Variants in KCNAB1 observed in about 807,000 individuals in gnomAD.
The protein encoded by KCNAB1 is voltage-gated potassium channel subunit beta-1.
Under a neutral mutation model 64.6 loss-of-function variants are expected in KCNAB1, and 35 were observed. That is an observed-to-expected ratio of 0.54 (90% confidence interval 0.41 to 0.72). The LOEUF is 0.72. KCNAB1 is among the 30% of genes least tolerant of loss of function. The probability of loss-of-function intolerance (pLI) is 0.00; values close to 1 mark genes in which losing one functional copy is unlikely to be tolerated. For missense variants in KCNAB1, 401 were observed against 512.9 expected (o/e 0.78, Z 2.11); for synonymous variants, 177 against 183.8 (o/e 0.96, Z 0.30).
intron 1 of KCNAB1, chr3:156,273,719 CT>C: frequency 8.9e-6 from 4 of 450,276 alleles, no homozygotes; most frequent in Non-Finnish European, 1.8e-5. Context: ...TAGGAAGGTG[CT>C]TTTTTTGTGT....
At chr3:156,180,631 A>G (rs958502402) in intron 1 of KCNAB1, among the ~76,000 whole-genome samples, 11 of 152,202 alleles carry the variant, frequency 7.2e-5, no homozygotes, top group African/African-American at 2.4e-4. Flanking sequence ...ATACAATCCA[A>G]TAACTGCTTT....
At chr3:156,277,341 T>A (rs894358752) in intron 1 of KCNAB1, among the ~76,000 whole-genome samples, 2 of 152,130 alleles carry the variant, frequency 1.3e-5, no homozygotes, top group Non-Finnish European at 2.9e-5. Flanking sequence ...ATTACCAAAA[T>A]ATGACACAGA....
chr3:156,463,856 GTTTT>G (rs200722110), intron 6 of KCNAB1, 110 bp downstream of exon 6: 5 of 720,026 alleles, frequency 6.9e-6, no homozygotes, highest in Non-Finnish European at 8.8e-6. Context: ...TAGAGAGAGG[GTTTT>G]TTGTTTTTTT....
chr3:156,178,996 G>A (rs1431641218), intron 1 of KCNAB1, among the ~76,000 whole-genome samples: 1 of 102,120 alleles, frequency 9.8e-6, no homozygotes, highest in African/African-American at 4.8e-5. Context: ...GCGAGACTCC[G>A]TCTCAAAAAA....
At chr3:156,325,131 C>A (rs1206783961) in intron 1 of KCNAB1, among the ~76,000 whole-genome samples, 1 of 152,074 alleles carries the variant, frequency 6.6e-6, no homozygotes, top group Non-Finnish European at 1.5e-5. Context: ...CCTCACAAAA[C>A]CATGTGAGGT....
At chr3:156,455,873 G>A (rs941229810) in intron 3 of KCNAB1, 7 of 152,196 alleles carry the variant, frequency 4.6e-5, no homozygotes, top group Non-Finnish European at 8.8e-5. Context: ...AAAGAATAAT[G>A]TTCCTAGAAG....
At chr3:156,443,134 A>G (rs2108263727) in intron 2 of KCNAB1, among the ~76,000 whole-genome samples, 1 of 152,292 alleles carries the variant, frequency 6.6e-6, no homozygotes, top group Non-Finnish European at 1.5e-5. Flanking sequence ...TGCTGCATCT[A>G]TCAACTCATC....
intron 1 of KCNAB1, among the ~76,000 whole-genome samples, chr3:156,145,070 C>T (rs1238221165): frequency 6.6e-6 from 1 of 152,104 alleles, no homozygotes; most frequent in East Asian, 1.9e-4. Context: ...TTCCATACTC[C>T]CCATAGGTTT....
intron 1 of KCNAB1, among the ~76,000 whole-genome samples, chr3:156,186,369 C>T (rs541767074): frequency 2.6e-5 from 4 of 152,270 alleles, no homozygotes; most frequent in Non-Finnish European, 5.9e-5. Context: ...CTATTCCTTT[C>T]CACCTCTGTA....
At chr3:156,355,030 G>T (rs890389520) in intron 1 of KCNAB1, among the ~76,000 whole-genome samples, 1 of 152,162 alleles carries the variant, frequency 6.6e-6, no homozygotes, top group African/African-American at 2.4e-5. Context: ...CTAATTAGTT[G>T]CCTTGGGATA....
chr3:156,389,496 T>C (rs915131844), intron 1 of KCNAB1, among the ~76,000 whole-genome samples: 1 of 152,178 alleles, frequency 6.6e-6, no homozygotes, highest in African/African-American at 2.4e-5. Context: ...CCAGATCCCA[T>C]GTACAGGAAG....
At chr3:156,404,677 T>A (rs888394002) in intron 1 of KCNAB1, among the ~76,000 whole-genome samples, 2 of 152,220 alleles carry the variant, frequency 1.3e-5, no homozygotes, top group Admixed American at 6.5e-5. Context: ...TATCCCAGCA[T>A]CCCAGTGCAT....
intron 1 of KCNAB1, among the ~76,000 whole-genome samples, chr3:156,409,363 T>C (rs1452669674): frequency 3.9e-5 from 6 of 152,256 alleles, no homozygotes; most frequent in South Asian, 2.1e-4. Context: ...TAGGATTCTA[T>C]AGTTGCCATG....
intron 1 of KCNAB1, among the ~76,000 whole-genome samples, chr3:156,269,779 A>G (rs1013619558): frequency 1.4e-4 from 21 of 152,102 alleles, no homozygotes; most frequent in Non-Finnish European, 2.8e-4. Flanking sequence ...TGTCTGATAC[A>G]GGTGTAGCTA....
chr3:156,372,991 C>T (rs530661599), intron 1 of KCNAB1, among the ~76,000 whole-genome samples: 14 of 152,336 alleles, frequency 9.2e-5, no homozygotes, highest in African/African-American at 3.4e-4. Flanking sequence ...TGAACATTTA[C>T]TAAATGCTTC....
intron 1 of KCNAB1, among the ~76,000 whole-genome samples, chr3:156,245,975 A>G (rs199716795): frequency 1.8e-4 from 1 of 5,552 alleles, no homozygotes; most frequent in Non-Finnish European, 3.1e-4. Context: ...CAATATTGGT[A>G]AAAAAAAAAA....
At chr3:156,347,928 A>G (rs1290193069) in intron 1 of KCNAB1, among the ~76,000 whole-genome samples, 1 of 152,204 alleles carries the variant, frequency 6.6e-6, no homozygotes, top group Non-Finnish European at 1.5e-5. Context: ...TCCATTCTCC[A>G]TTCATTTTTA....
At chr3:156,378,217 G>T (rs1243476154) in intron 1 of KCNAB1, among the ~76,000 whole-genome samples, 1 of 152,060 alleles carries the variant, frequency 6.6e-6, no homozygotes, top group Non-Finnish European at 1.5e-5. Flanking sequence ...CAGAGCTTAG[G>T]AGCGGAGATC....
At chr3:156,191,168 C>T (rs1243364206) in intron 1 of KCNAB1, among the ~76,000 whole-genome samples, 1 of 152,236 alleles carries the variant, frequency 6.6e-6, no homozygotes, top group African/African-American at 2.4e-5. Context: ...AGCCTCAGAA[C>T]ATCAGATCAA....
Sources: allele counts gnomAD v4.1 joint callset (sites outside exome capture counted in the v4.1 genomes callset), GRCh38; gene constraint gnomAD v4.1.1; transcripts MANE v1.5; gene names NCBI Gene and HGNC (gene_info 2026-07-23, HGNC 2026-07-21).